Variants in LHX8 observed in about 807,000 individuals in gnomAD.
LHX8 encodes LIM/homeobox protein Lhx8.
In LHX8, 12 loss-of-function variants were observed where a neutral mutation model predicts 40.3. The ratio of observed to expected loss-of-function variants is 0.30; its 90% confidence interval spans 0.19 to 0.48. The LOEUF (loss-of-function observed/expected upper bound fraction) is 0.48, where lower values mean the gene tolerates loss of function less well. Ranked by LOEUF, LHX8 falls within the 20% of genes least tolerant of loss-of-function variation. The pLI, the probability that LHX8 is intolerant of heterozygous loss-of-function variation, is 0.99. For missense variants in LHX8, 344 were observed against 433.7 expected, an observed-to-expected ratio of 0.79 and a Z score of 1.84; for synonymous variants, 179 against 162.0, an observed-to-expected ratio of 1.10 and a Z score of -0.80.
upstream of LHX8, chr1:75,130,751 C>T (rs1462151431): frequency 1.2e-6 from 2 of 1,612,622 alleles, no homozygotes; most frequent in East Asian, 2.2e-5. Flanking sequence ...GTGGAAAGAA[C>T]CTCTAGAAGC....
chr1:75,190,217 G>T, the LHX8 span, among the ~76,000 whole-genome samples: 1 of 151,964 alleles, frequency 6.6e-6, no homozygotes, highest in Non-Finnish European at 1.5e-5. Flanking sequence ...GAGTGTAGAC[G>T]GACTCTTTAA....
chr1:75,185,771 G>A, the LHX8 span, among the ~76,000 whole-genome samples: 9 of 152,186 alleles, frequency 5.9e-5, no homozygotes, highest in African/African-American at 1.9e-4. Flanking sequence ...GTTTGCAAAC[G>A]ACATAATCTT....
At chr1:75,147,205 G>A (rs1441680272) in intron 6 of LHX8, among the ~76,000 whole-genome samples, 1 of 152,162 alleles carries the variant, frequency 6.6e-6, no homozygotes, top group Admixed American at 6.5e-5. Context: ...ATACAATATA[G>A]TTAGATGGGA....
chr1:75,166,129 A>G (rs146189350), downstream of LHX8, among the ~76,000 whole-genome samples: 37 of 152,342 alleles, frequency 2.4e-4, no homozygotes, highest in African/African-American at 8.7e-4. Context: ...AAGTTTGGCA[A>G]GCACTGCCCT....
rs754073470 is a variant in LHX8 at position 75,143,256 on chromosome 1, G to A, written c.498G>A (p.Glu166=). The part of the protein sequence containing the change: ...SCKRQLSTGE[E]FALVEEKVLC... ...AAAGGCAACTTTCCACAGGAGAGGA[G>A]TTTGCTTTGGTGGAAGAGAAAGTCC... The change falls in exon 5 of 9, where the codon GAG becomes GAA. Residue 166 remains glutamate (E), a synonymous_variant. Transcript: ENST00000356261. 1 of 1,613,854 alleles carries A rather than the reference G, an allele frequency of 6.2e-7. No homozygotes were observed. Among genetic ancestry groups the A allele is most frequent in the Non-Finnish European group, 8.5e-7 (1 of 1,179,788 alleles).
upstream of LHX8, chr1:75,130,771 A>C (rs1400078389): frequency 6.2e-7 from 1 of 1,606,152 alleles, no homozygotes; most frequent in Non-Finnish European, 8.5e-7. Flanking sequence ...CAATCTCCTA[A>C]AGTCTTTTTC....
At chr1:75,143,420 ATGCAT>A in intron 5 of LHX8, 82 bp downstream of exon 5, 1 of 976,986 alleles carries the variant, frequency 1.0e-6, no homozygotes, top group Non-Finnish European at 1.5e-6. Flanking sequence ...GGTCATCTTA[ATGCAT>A]TATTTTGTAC....
intron 3 of LHX8, 151 bp downstream of exon 3, chr1:75,137,412 A>G (rs1648181736): frequency 2.7e-6 from 2 of 737,598 alleles, no homozygotes; most frequent in East Asian, 5.4e-5. Context: ...GTTTAGGGCA[A>G]CTCATGCGGT....
downstream of LHX8, among the ~76,000 whole-genome samples, chr1:75,162,492 C>T (rs911372985): frequency 2.0e-5 from 3 of 152,136 alleles, no homozygotes; most frequent in African/African-American, 7.2e-5. Context: ...CATCCCTTAG[C>T]TTGGGAGGTG....
At chr1:75,179,502 G>GTTTTTTTTTTTT in the LHX8 span, among the ~76,000 whole-genome samples, 1 of 108,480 alleles carries the variant, frequency 9.2e-6, no homozygotes, top group Non-Finnish European at 1.9e-5. Context: ...AACCCCTGTT[G>GTTTTTTTTTTTT]TTTTTTTTTT....
At chr1:75,132,688 C>G (rs984168283), upstream of LHX8, 1 of 151,942 alleles carries the variant, frequency 6.6e-6, no homozygotes, top group African/African-American at 2.4e-5. Context: ...TCTGGATCTC[C>G]AAATGACCCG....
chr1:75,142,264 A>C (rs960909620), intron 4 of LHX8, among the ~76,000 whole-genome samples: 8 of 152,278 alleles, frequency 5.3e-5, no homozygotes, highest in African/African-American at 1.9e-4. Flanking sequence ...AGTAACTAAA[A>C]AAACAAAGTG....
intron 8 of LHX8, among the ~76,000 whole-genome samples, chr1:75,158,933 G>A (rs562927731): frequency 6.6e-6 from 1 of 152,186 alleles, no homozygotes; most frequent in African/African-American, 2.4e-5. Context: ...ATCAGTTTTA[G>A]GAAATTGCCA....
chr1:75,169,950 T>A, the LHX8 span, among the ~76,000 whole-genome samples: 1 of 152,198 alleles, frequency 6.6e-6, no homozygotes, highest in African/African-American at 2.4e-5. Context: ...CTGGTTCCAC[T>A]GTTGGATGAA....
intron 7 of LHX8, among the ~76,000 whole-genome samples, chr1:75,154,052 T>C (rs1388715370): frequency 6.6e-6 from 1 of 152,244 alleles, no homozygotes; most frequent in African/African-American, 2.4e-5. Flanking sequence ...TAGCTTAGTT[T>C]ATGATTTAGA....
At chr1:75,189,451 A>C in the LHX8 span, among the ~76,000 whole-genome samples, 1 of 152,224 alleles carries the variant, frequency 6.6e-6, no homozygotes, top group East Asian at 1.9e-4. Context: ...AGGAACTAGC[A>C]GCCCATTCTA....
chr1:75,164,419 G>A (rs72679693), downstream of LHX8, among the ~76,000 whole-genome samples: 246 of 152,152 alleles, frequency 1.6e-3, no homozygotes, highest in Non-Finnish European at 2.7e-3. Flanking sequence ...CACTGTGAAG[G>A]CATCTTTGTG....
chr1:75,158,099 G>A (rs1486898602), intron 8 of LHX8, among the ~76,000 whole-genome samples: 4 of 152,188 alleles, frequency 2.6e-5, no homozygotes, highest in Non-Finnish European at 5.9e-5. Context: ...TAGCAAATTT[G>A]ATGATTGTGC....
In LHX8 at chr1:75,138,570, G is replaced by T. The variant is rs139468137; in HGVS notation, c.237+1309G>T. Among the ~76,000 whole-genome samples, 479 of 152,212 alleles carry T rather than the reference G, an allele frequency of 3.1e-3. 4 individuals are homozygous for T. The highest frequency in any genetic ancestry group is 0.017 in the Middle Eastern group (5 of 294). On this transcript the variant is annotated intron_variant, in intron 3 of 8. Transcript: ENST00000356261. ...CCACTTTCAATGTTTCTAAAACTGA[G>T]CATTTTGGATATTGCAAAATCATCT...
Sources: gnomAD v4.1 joint callset for allele counts (sites outside exome capture counted in the v4.1 genomes callset) on GRCh38, gnomAD v4.1.1 for gene constraint, MANE v1.5 for transcripts, NCBI Gene and HGNC (gene_info 2026-07-23, HGNC 2026-07-21) for gene names.